SH3PXD2A: variants seen among roughly 807,000 people sequenced by gnomAD.
SH3PXD2A encodes SH3 and PX domain-containing protein 2A.
Under a neutral mutation model 115.2 loss-of-function variants are expected in SH3PXD2A, and 32 were observed. The ratio of observed to expected loss-of-function variants is 0.28; its 90% CI spans 0.21 to 0.37. The LOEUF is 0.37. SH3PXD2A is among the 10% of genes least tolerant of loss of function. The pLI, the probability that SH3PXD2A is intolerant of heterozygous loss-of-function variation, is 1.00. For missense variants in SH3PXD2A, 1,328 were observed against 1,498.7 expected (o/e 0.89, Z 1.88); for synonymous variants, 610 against 629.1 (o/e 0.97, Z 0.45).
rs531839173 is a variant in SH3PXD2A, at chr10:103,702,069, CATCT to C, written c.399-9017_399-9014del. ...ATCTATCCATCCACCATCATCCATCCATCTATCCATCATCCATCCACCTATCATC... is the reference window on the plus strand; with the variant it reads ...ATCTATCCATCCACCATCATCCATCCATCCATCATCCATCCACCTATCATC... On this transcript the variant is annotated intron_variant, in intron 5 of 14. Transcript: ENST00000369774. Among the ~76,000 whole-genome samples the C allele has an allele frequency of 3.2e-3, 479 of 151,780 alleles. 4 individuals carry two copies. The highest frequency in any genetic ancestry group is 0.011 in the African/African-American group (449 of 41,300).
intron 6 of SH3PXD2A, chr10:103,678,139 G>A: frequency 7.8e-7 from 1 of 1,289,162 alleles, no homozygotes; most frequent in South Asian, 1.2e-5. Flanking sequence ...GCCGGAGCAG[G>A]AACGACCCGT....
At chr10:103,612,069 C>T (rs996356152) in intron 12 of SH3PXD2A, among the ~76,000 whole-genome samples, 1 of 152,162 alleles carries the variant, frequency 6.6e-6, no homozygotes, top group East Asian at 1.9e-4. Flanking sequence ...ATTTCAGGCA[C>T]GAGAGCTAAC....
chr10:103,748,547 C>T (rs1304008949), intron 3 of SH3PXD2A, among the ~76,000 whole-genome samples: 1 of 152,202 alleles, frequency 6.6e-6, no homozygotes, highest in Non-Finnish European at 1.5e-5. Flanking sequence ...GCAAAGGATA[C>T]TGTGTATGGG....
At chr10:103,809,987 C>T (rs1389403830) in intron 1 of SH3PXD2A, among the ~76,000 whole-genome samples, 1 of 152,178 alleles carries the variant, frequency 6.6e-6, no homozygotes, top group East Asian at 1.9e-4. Flanking sequence ...CCTCATCCGG[C>T]CCCACTATTT....
At chr10:103,802,606 C>T (rs1023158957) in intron 1 of SH3PXD2A, among the ~76,000 whole-genome samples, 1 of 152,144 alleles carries the variant, frequency 6.6e-6, no homozygotes, top group Non-Finnish European at 1.5e-5. Context: ...GAATGGGTGC[C>T]CTCCCACAGC....
intron 3 of SH3PXD2A, among the ~76,000 whole-genome samples, chr10:103,743,590 C>A (rs11191790): frequency 1.3e-5 from 2 of 148,732 alleles, no homozygotes; most frequent in Admixed American, 1.3e-4. Flanking sequence ...AGGCTGGTCC[C>A]GAACTCCTGG....
intron 8 of SH3PXD2A, among the ~76,000 whole-genome samples, chr10:103,658,163 C>A (rs966991313): frequency 1.3e-5 from 2 of 152,216 alleles, no homozygotes; most frequent in Non-Finnish European, 2.9e-5. Flanking sequence ...TCTCTTTAGA[C>A]CAATGAGAGC....
chr10:103,792,113 T>C (rs1026437605), intron 2 of SH3PXD2A, among the ~76,000 whole-genome samples: 2 of 152,218 alleles, frequency 1.3e-5, no homozygotes, highest in Admixed American at 6.5e-5. Context: ...CAAGAGCCGA[T>C]GGAAGCCCCA....
intron 5 of SH3PXD2A, among the ~76,000 whole-genome samples, chr10:103,703,957 A>G (rs922215264): frequency 6.6e-6 from 1 of 152,184 alleles, no homozygotes; most frequent in Non-Finnish European, 1.5e-5. Flanking sequence ...GTCTTCATTT[A>G]TAAAGTGCAG....
intron 6 of SH3PXD2A, chr10:103,678,250 C>T (rs1344634756): frequency 1.6e-5 from 14 of 850,492 alleles, no homozygotes; most frequent in African/African-American, 1.2e-4. Context: ...CCCTCCTCTG[C>T]GTGGGTCCAG....
chr10:103,799,097 A>G (rs949720354), intron 2 of SH3PXD2A, among the ~76,000 whole-genome samples: 1 of 152,214 alleles, frequency 6.6e-6, no homozygotes. Context: ...GCCTGTCCGG[A>G]GTTACGTGGT....
chr10:103,767,047 CCTTCCCGGG>C, intron 3 of SH3PXD2A, 38 bp downstream of exon 3: 2 of 1,455,470 alleles, frequency 1.4e-6, no homozygotes, highest in Non-Finnish European at 1.9e-6. Context: ...AAGGACTGGT[CCTTCCCGGG>C]TATCCCCCAT....
intron 8 of SH3PXD2A, among the ~76,000 whole-genome samples, chr10:103,643,718 A>G (rs1315208510): frequency 6.6e-6 from 1 of 152,170 alleles, no homozygotes; most frequent in Non-Finnish European, 1.5e-5. Context: ...TCTCATGACG[A>G]GATTCAATGC....
chr10:103,827,548 T>C (rs188713695), intron 1 of SH3PXD2A, among the ~76,000 whole-genome samples: 1 of 152,028 alleles, frequency 6.6e-6, no homozygotes, highest in East Asian at 1.9e-4. Context: ...CTCACAGGAG[T>C]GCTTTGAGAA....
chr10:103,793,132 T>A (rs188512814), intron 2 of SH3PXD2A, among the ~76,000 whole-genome samples: 14 of 152,334 alleles, frequency 9.2e-5, no homozygotes, highest in Admixed American at 7.8e-4. Flanking sequence ...AAATAATATA[T>A]GAATGCATTC....
intron 11 of SH3PXD2A, among the ~76,000 whole-genome samples, chr10:103,614,601 TGTTGA>T (rs2036480062): frequency 6.6e-6 from 1 of 152,158 alleles, no homozygotes; most frequent in Non-Finnish European, 1.5e-5. Flanking sequence ...TTCCTCGTGG[TGTTGA>T]GTTTTCACCC....
chr10:103,833,793 T>C (rs2039504315), intron 1 of SH3PXD2A, among the ~76,000 whole-genome samples: 2 of 152,202 alleles, frequency 1.3e-5, no homozygotes, highest in South Asian at 4.1e-4. Flanking sequence ...ACTTCCCTAT[T>C]AGCTGCCCCC....
chr10:103,624,600 A>G (rs1005564001), intron 9 of SH3PXD2A, among the ~76,000 whole-genome samples: 1 of 152,254 alleles, frequency 6.6e-6, no homozygotes, highest in Non-Finnish European at 1.5e-5. Flanking sequence ...TCTCATGATA[A>G]GGACACACCA....
At chr10:103,698,793 T>A (rs1309367768) in intron 5 of SH3PXD2A, among the ~76,000 whole-genome samples, 1 of 151,980 alleles carries the variant, frequency 6.6e-6, no homozygotes, top group South Asian at 2.1e-4. Context: ...CAGGAGGGGT[T>A]ACACTCAGTG....
Sources: gnomAD v4.1 joint callset for allele counts (sites outside exome capture counted in the v4.1 genomes callset) on GRCh38, gnomAD v4.1.1 for gene constraint, MANE v1.5 for transcripts, NCBI Gene and HGNC (gene_info 2026-07-23, HGNC 2026-07-21) for gene names.